The following TNFSF4 variants were observed in gnomAD, a reference collection of about 807,000 sequenced individuals.
TNFSF4 encodes the protein tumor necrosis factor ligand superfamily member 4.
In TNFSF4, 4 loss-of-function variants were observed where a neutral mutation model predicts 7.3. The ratio of observed to expected loss-of-function variants is 0.55; its 90% CI spans 0.27 to 1.25. TNFSF4 has a LOEUF of 1.25. TNFSF4 is among the 50% of genes most tolerant of loss of function. The probability of loss-of-function intolerance (pLI) is 0.12; values close to 1 mark genes in which losing one functional copy is unlikely to be tolerated. For synonymous variants in TNFSF4, 76 were observed against 83.7 expected (o/e 0.91, Z 0.50); for missense variants, 181 against 208.8 (o/e 0.87, Z 0.82).
chr1:173,330,481 T>C, the TNFSF4 span, among the ~76,000 whole-genome samples: 1 of 152,122 alleles, frequency 6.6e-6, no homozygotes, highest in African/African-American at 2.4e-5. Flanking sequence ...AGAGGCTACA[T>C]AATTTGCAAA....
At chr1:173,305,314 C>T in the TNFSF4 span, among the ~76,000 whole-genome samples, 2 of 151,914 alleles carry the variant, frequency 1.3e-5, no homozygotes, top group Non-Finnish European at 2.9e-5. Context: ...AGTTTTCATT[C>T]CTACCAAGAA....
chr1:173,225,733 C>G, the TNFSF4 span, among the ~76,000 whole-genome samples: 1 of 152,090 alleles, frequency 6.6e-6, no homozygotes, highest in Non-Finnish European at 1.5e-5. Flanking sequence ...TTAGGTGCAA[C>G]CAGAGTAAAA....
rs144164274 is a variant in TNFSF4, at chr1:173,186,821, C to T, written c.247G>A (p.Asp83Asn). The change falls in exon 3 of 3, where the codon GAT (aspartate) becomes AAT (asparagine). Residue 83 changes from aspartate to asparagine, a missense_variant. Asp to Asn is a conservative substitution (Grantham distance 23, BLOSUM62 1). Coordinates refer to ENST00000281834, the MANE Select transcript of TNFSF4 (RefSeq NM_003326.5). ...KGFILTSQKEDEIMKVQNNSV... is the reference protein window; with the variant it reads ...KGFILTSQKENEIMKVQNNSV... ...TTGTTCTGCACCTTCATGATTTCAT[C>T]CTCCTTTTGGGAAGTGAGGATGAAA... The T allele has an allele frequency of 3.5e-5, 56 of 1,611,028 alleles. No individual in the cohort carries two copies. The highest frequency in any genetic ancestry group is 4.6e-5 in the Non-Finnish European group (54 of 1,178,512).
chr1:173,296,600 G>A, the TNFSF4 span, among the ~76,000 whole-genome samples: 152 of 152,008 alleles, frequency 1.0e-3, no homozygotes, highest in Non-Finnish European at 2.0e-3. Flanking sequence ...GGGGTTGAGT[G>A]AGGGGTAGGG....
At chr1:173,187,548 T>A (rs1444817677) in intron 2 of TNFSF4, among the ~76,000 whole-genome samples, 4 of 152,224 alleles carry the variant, frequency 2.6e-5, no homozygotes, top group African/African-American at 9.7e-5. Context: ...GTGCACACCG[T>A]ATCTGTGGAT....
chr1:173,447,801 T>A, the TNFSF4 span, among the ~76,000 whole-genome samples: 1 of 152,064 alleles, frequency 6.6e-6, no homozygotes, highest in Non-Finnish European at 1.5e-5. Flanking sequence ...ACATTAAATA[T>A]AAATTATCTA....
At chr1:173,224,654 C>A in the TNFSF4 span, among the ~76,000 whole-genome samples, 9 of 152,198 alleles carry the variant, frequency 5.9e-5, no homozygotes, top group South Asian at 2.1e-4. Context: ...AGGTTAGACA[C>A]TAGTAAGCAG....
At chr1:173,268,883 G>T in the TNFSF4 span, among the ~76,000 whole-genome samples, 1 of 151,926 alleles carries the variant, frequency 6.6e-6, no homozygotes, top group Non-Finnish European at 1.5e-5. Context: ...GGGACAAAAA[G>T]GAATATAGCA....
chr1:173,390,291 G>A, the TNFSF4 span, among the ~76,000 whole-genome samples: 2 of 152,142 alleles, frequency 1.3e-5, no homozygotes, highest in Non-Finnish European at 2.9e-5. Flanking sequence ...TGCTGCCTTT[G>A]TAGGTCTCTA....
At chr1:173,366,683 A>G in the TNFSF4 span, among the ~76,000 whole-genome samples, 8 of 152,156 alleles carry the variant, frequency 5.3e-5, no homozygotes, top group Admixed American at 5.2e-4. Context: ...TGGATATCCT[A>G]TTTACCCTGA....
chr1:173,334,211 G>A, the TNFSF4 span, among the ~76,000 whole-genome samples: 1 of 152,090 alleles, frequency 6.6e-6, no homozygotes, highest in Admixed American at 6.5e-5. Context: ...AAAGATGCTA[G>A]TGTCTATTTT....
chr1:173,237,722 C>T, the TNFSF4 span, among the ~76,000 whole-genome samples: 39 of 152,058 alleles, frequency 2.6e-4, no homozygotes, highest in Non-Finnish European at 4.1e-4. Flanking sequence ...AGCTGTACAA[C>T]GAAAATTACA....
chr1:173,449,173 C>A, the TNFSF4 span, among the ~76,000 whole-genome samples: 1 of 152,250 alleles, frequency 6.6e-6, no homozygotes, highest in East Asian at 1.9e-4. Flanking sequence ...CTCCTGCTCT[C>A]ACCATGTGGT....
At chr1:173,211,942 G>A (rs938313639), upstream of TNFSF4, among the ~76,000 whole-genome samples, 3 of 152,164 alleles carry the variant, frequency 2.0e-5, no homozygotes, top group Admixed American at 2.0e-4. Flanking sequence ...ACAAGGCTGG[G>A]TAACTTGTAA....
the TNFSF4 span, among the ~76,000 whole-genome samples, chr1:173,401,838 G>A: frequency 3.0e-3 from 453 of 152,224 alleles, 3 homozygotes; most frequent in African/African-American, 0.01. Flanking sequence ...ATTTGGGAAA[G>A]GCTTGTCATT....
At chr1:173,448,364 T>C in the TNFSF4 span, among the ~76,000 whole-genome samples, 1 of 152,154 alleles carries the variant, frequency 6.6e-6, no homozygotes, top group Non-Finnish European at 1.5e-5. Context: ...TTCTGGACCA[T>C]AAAACAAACT....
At chr1:173,405,401 A>T in the TNFSF4 span, among the ~76,000 whole-genome samples, 18 of 152,258 alleles carry the variant, frequency 1.2e-4, no homozygotes, top group Admixed American at 5.9e-4. Context: ...TATAAAAACT[A>T]TTCTTAGTTC....
In TNFSF4 at chr1:173,188,707, TG is replaced by T. The variant is rs1028332443; in HGVS notation, c.154-139del. 28 of 573,980 alleles carry T rather than the reference TG, an allele frequency of 4.9e-5. No individual in the cohort carries two copies. In the African/African-American group the frequency reaches 5.2e-4, roughly 11 times the overall value. The allele number at this position is 573,980 out of a possible 1,614,324, so 35.6% of individuals were successfully genotyped here. On this transcript the variant is annotated intron_variant, in intron 1 of 2. Coordinates refer to ENST00000281834, the MANE Select transcript of TNFSF4 (RefSeq NM_003326.5). ...AAAACAACAGAAGACTTGACTTTTTTGTTGTTGTTGTTGTTGTTGTTTTGAG... is the reference window on the plus strand; with the variant it reads ...AAAACAACAGAAGACTTGACTTTTTTTTGTTGTTGTTGTTGTTGTTTTGAG...
the TNFSF4 span, among the ~76,000 whole-genome samples, chr1:173,237,736 C>A: frequency 1.3e-5 from 2 of 152,140 alleles, no homozygotes; most frequent in African/African-American, 4.8e-5. Flanking sequence ...AATTACAAAA[C>A]TCTGCTCAAA....
Sources: gnomAD v4.1 joint callset for allele counts (sites outside exome capture counted in the v4.1 genomes callset) on GRCh38, gnomAD v4.1.1 for gene constraint, MANE v1.5 for transcripts, NCBI Gene and HGNC (gene_info 2026-07-23, HGNC 2026-07-21) for gene names.